The following TNRC18 variants were observed in gnomAD, a reference collection of about 807,000 sequenced individuals.
TNRC18 encodes trinucleotide repeat-containing gene 18 protein.
Under a neutral mutation model 226.7 loss-of-function variants are expected in TNRC18, and 69 were observed. The observed-to-expected ratio is 0.30, with a 90% CI of 0.25 to 0.37. TNRC18 has a LOEUF of 0.37. TNRC18 is among the 10% of genes least tolerant of loss of function. The probability of loss-of-function intolerance (pLI) is 1.00; values close to 1 mark genes in which losing one functional copy is unlikely to be tolerated. For synonymous variants in TNRC18, 2,449 were observed against 1,927.6 expected, an observed-to-expected ratio of 1.27 and a Z score of -7.09; for missense variants, 4,754 against 4,256.6, an observed-to-expected ratio of 1.12 and a Z score of -3.25.
chr7:5,415,582 T>A (rs1217402832), intron 2 of TNRC18, among the ~76,000 whole-genome samples: 1 of 151,196 alleles, frequency 6.6e-6, no homozygotes, highest in East Asian at 2.0e-4. Flanking sequence ...TGTTTCGCCA[T>A]GTTGGCCAGG....
At chr7:5,378,392 C>T (rs1354208835) in intron 5 of TNRC18, among the ~76,000 whole-genome samples, 1 of 151,846 alleles carries the variant, frequency 6.6e-6, no homozygotes, top group Non-Finnish European at 1.5e-5. Flanking sequence ...CTTACTAATG[C>T]TATTTTTATT....
At chr7:5,342,638 G>A (rs1790799920) in intron 18 of TNRC18, among the ~76,000 whole-genome samples, 1 of 152,152 alleles carries the variant, frequency 6.6e-6, no homozygotes, top group Non-Finnish European at 1.5e-5. Flanking sequence ...GAGGAGCAAA[G>A]AAAGTGGTTT....
chr7:5,359,957 A>C (rs1042823459), intron 14 of TNRC18, among the ~76,000 whole-genome samples: 1 of 152,102 alleles, frequency 6.6e-6, no homozygotes, highest in Non-Finnish European at 1.5e-5. Context: ...GTTTACACGA[A>C]GAAGGATTCC....
chr7:5,311,873 C>T (rs967187596), intron 27 of TNRC18, among the ~76,000 whole-genome samples: 18 of 152,018 alleles, frequency 1.2e-4, no homozygotes, highest in Admixed American at 1.1e-3. Context: ...TGGCTCACAC[C>T]TGTAATCCCA....
In TNRC18 at chr7:5,362,974, C is replaced by T. The variant is rs549287289; in HGVS notation, c.4220-149G>A. The T allele has an allele frequency of 1.1e-4, 83 of 776,978 alleles. No individual in the cohort carries two copies. In the Middle Eastern group the frequency reaches 1.4e-3, roughly 13 times the overall value. 48.1% of individuals were successfully genotyped at this position (776,978 alleles called of 1,614,324 possible). On this transcript the variant is annotated intron_variant, in intron 11 of 29. Transcript: ENST00000430969. Reference sequence around the variant, plus strand: ...GTAGACAGAGGCCTTTGTGACATGCCGGAAGTCCTGAGCATCTCTAAACAA... The same window carrying T: ...GTAGACAGAGGCCTTTGTGACATGCTGGAAGTCCTGAGCATCTCTAAACAA...
chr7:5,320,691 T>C (rs1788261239), intron 22 of TNRC18, 84 bp from the exon 23 acceptor site: 2 of 1,150,620 alleles, frequency 1.7e-6, no homozygotes, highest in Admixed American at 2.1e-5. Context: ...CACTGCCTCC[T>C]AGACCACTGG....
At chr7:5,360,208 T>TTTA (rs1215583635) in intron 14 of TNRC18, among the ~76,000 whole-genome samples, 1 of 124,758 alleles carries the variant, frequency 8.0e-6, no homozygotes, top group East Asian at 2.1e-4. Context: ...CTGTATTTTA[T>TTTA]TTATTTATTT....
At chr7:5,355,044 G>A (rs528190209) in intron 16 of TNRC18, among the ~76,000 whole-genome samples, 9 of 152,252 alleles carry the variant, frequency 5.9e-5, no homozygotes, top group African/African-American at 1.4e-4. Flanking sequence ...CTCTCCACCC[G>A]CCCCAGGGCC....
intron 2 of TNRC18, among the ~76,000 whole-genome samples, chr7:5,415,472 G>A (rs1782123987): frequency 7.0e-6 from 1 of 143,868 alleles, no homozygotes; most frequent in African/African-American, 2.6e-5. Context: ...CGCCTCCCGT[G>A]TTCAAGTGAT....
rs567227337 is a variant in TNRC18 at position 5,406,859 on chromosome 7, A to AAAAAAG, written c.188-12265_188-12264insCTTTTT. Among the ~76,000 whole-genome samples the AAAAAAG allele has an allele frequency of 2.1e-3, 318 of 151,940 alleles. 1 individual carries two copies. Among genetic ancestry groups the AAAAAAG allele is most frequent in the African/African-American group, 7.5e-3 (309 of 41,426 alleles). ...GAGCGAGACTCTGTCTCAAAAAAAA[A>AAAAAAG]AAAGAAAGAAAGAAAAGAAAAAAGA... On this transcript the variant is annotated intron_variant, in intron 2 of 29. Transcript: ENST00000430969.
chr7:5,341,593 G>A (rs183230837), intron 18 of TNRC18, among the ~76,000 whole-genome samples: 15 of 151,308 alleles, frequency 9.9e-5, no homozygotes, highest in East Asian at 7.9e-4. Flanking sequence ...GGGAAACCCC[G>A]TTTCTACCAA....
chr7:5,328,746 G>A (rs1277186829), intron 19 of TNRC18, among the ~76,000 whole-genome samples: 7 of 151,668 alleles, frequency 4.6e-5, no homozygotes, highest in South Asian at 2.1e-4. Context: ...TCCTGACCTC[G>A]TGATCCACCC....
Position 5,312,599 on chromosome 7 carries a change from G to T in TNRC18, c.8292C>A (p.Ala2764=). 3 of 1,610,910 alleles carry T rather than the reference G, an allele frequency of 1.9e-6. No individual in the cohort carries two copies. Among genetic ancestry groups the T allele is most frequent in the South Asian group, 1.1e-5 (1 of 90,960 alleles). ...CCACGGACGGCAGGCGCTGCCGCTT[G>T]GCCAGCTCCTTGGTGGTGGGGAGGT... The part of the protein sequence containing the change: ...GVHLPTTKEL[A]KRQRLPSVEN... Residue 2764 remains alanine, a synonymous_variant, in exon 27 of 30, where the codon GCC becomes GCA. Coordinates refer to ENST00000430969, the MANE Select transcript of TNRC18 (RefSeq NM_001080495.3). The surrounding 1 kb of genome is among the most constrained non-coding windows in gnomAD (Gnocchi z 6.3).
In TNRC18 at chr7:5,421,089, A is replaced by C. The variant is rs1584145366; in HGVS notation, c.158T>G (p.Met53Arg). The C allele has an allele frequency of 4.7e-6, 7 of 1,490,968 alleles. No individual in the cohort carries two copies. The East Asian group carries it at 1.8e-4, about 38-fold the overall frequency. 92.4% of individuals were successfully genotyped at this position (1,490,968 alleles called of 1,614,324 possible). A position where few individuals can be genotyped will look rare whatever the true frequency, so the allele number is the denominator to read the frequency against. The change falls in exon 2 of 30, where the codon ATG (methionine) becomes AGG (arginine). Residue 53 changes from methionine to arginine, a missense_variant. Transcript: ENST00000430969. Reference sequence around the variant, plus strand: ...GTGCGGATGGAGATTCAGGCCGGCCATGTACTTCCCGGGCGGCAGCGGGCC... The same window carrying C: ...GTGCGGATGGAGATTCAGGCCGGCCCTGTACTTCCCGGGCGGCAGCGGGCC... ...LPGPLPPGKY[M>R]AGLNLHPHPG...
intron 17 of TNRC18, among the ~76,000 whole-genome samples, chr7:5,346,898 T>G (rs1389816872): frequency 6.6e-6 from 1 of 152,150 alleles, no homozygotes; most frequent in Admixed American, 6.5e-5. Flanking sequence ...AGGCAGGAAC[T>G]GTGCTGTCCC....
chr7:5,385,494 CAAAAAAAAAAAA>C (rs60919833), intron 5 of TNRC18, among the ~76,000 whole-genome samples: 48 of 88,122 alleles, frequency 5.4e-4, no homozygotes, highest in African/African-American at 1.2e-3. Context: ...GACTCCGTCT[CAAAAAAAAAAAA>C]AAAAAAAAAA....
At chr7:5,379,180 G>A (rs1440059870) in intron 5 of TNRC18, among the ~76,000 whole-genome samples, 1 of 150,750 alleles carries the variant, frequency 6.6e-6, no homozygotes, top group African/African-American at 2.4e-5. Flanking sequence ...CTGGACAACA[G>A]ACAGAATAAG....
rs142045324 is a variant in TNRC18 at position 5,310,586 on chromosome 7, G to A, written c.8389-1218C>T. Reference sequence around the variant, plus strand: ...GTCTCACACTATTGCCCAGGTTGGAGTGTAGTGGCACAATCACAGCTCACT... The same window carrying A: ...GTCTCACACTATTGCCCAGGTTGGAATGTAGTGGCACAATCACAGCTCACT... On this transcript the variant is annotated intron_variant, in intron 27 of 29. Transcript: ENST00000430969. Among the ~76,000 whole-genome samples, 1,174 of 152,118 alleles carry A rather than the reference G, an allele frequency of 7.7e-3. 8 individuals carry two copies. Among genetic ancestry groups the A allele is most frequent in the Non-Finnish European group, 0.013 (881 of 68,002 alleles).
intron 10 of TNRC18, among the ~76,000 whole-genome samples, chr7:5,372,735 A>G (rs1794283516): frequency 6.6e-6 from 1 of 152,062 alleles, no homozygotes; most frequent in African/African-American, 2.4e-5. Flanking sequence ...AAAATGTAAC[A>G]GCAGGGCTAG....
Sources: allele counts gnomAD v4.1 joint callset (sites outside exome capture counted in the v4.1 genomes callset), GRCh38; gene constraint gnomAD v4.1.1; non-coding constraint Gnocchi (gnomAD v3.1); transcripts MANE v1.5; gene names NCBI Gene and HGNC (gene_info 2026-07-23, HGNC 2026-07-21).